The following TMEM132B variants were observed in gnomAD, a reference collection of about 807,000 sequenced individuals.
TMEM132B encodes the protein transmembrane protein 132B.
A neutral mutation model predicts 90.8 loss-of-function variants in TMEM132B; 18 were observed. That is an observed-to-expected ratio of 0.20 (90% CI 0.14 to 0.29). The LOEUF (loss-of-function observed/expected upper bound fraction) is 0.29. Among genes scored for constraint, TMEM132B ranks in the 10% least tolerant of loss-of-function variants. TMEM132B has a pLI of 1.00. For missense variants in TMEM132B, 1,096 were observed against 1,326.8 expected, an observed-to-expected ratio of 0.83 and a Z score of 2.70; for synonymous variants, 504 against 523.3, an observed-to-expected ratio of 0.96 and a Z score of 0.50.
At chr12:125,298,927 G>T (rs1875742136) in intron 1 of TMEM132B, among the ~76,000 whole-genome samples, 1 of 151,710 alleles carries the variant, frequency 6.6e-6, no homozygotes, top group Admixed American at 6.6e-5. Context: ...TAGAGACGGG[G>T]TTTCACCGTG....
chr12:125,365,657 A>AT (rs913453495), intron 2 of TMEM132B, among the ~76,000 whole-genome samples: 32 of 150,666 alleles, frequency 2.1e-4, no homozygotes, highest in South Asian at 1.1e-3. Context: ...ATTCCAGAAG[A>AT]TTTTTTTTTG....
chr12:125,299,893 G>A (rs1000299034), intron 1 of TMEM132B, among the ~76,000 whole-genome samples: 5 of 152,322 alleles, frequency 3.3e-5, no homozygotes, highest in Middle Eastern at 3.4e-3. Flanking sequence ...GGTTCTGTAA[G>A]TTGTCAATCA....
intron 3 of TMEM132B, among the ~76,000 whole-genome samples, chr12:125,425,733 T>C (rs144030705): frequency 1.6e-4 from 24 of 152,362 alleles, no homozygotes; most frequent in Non-Finnish European, 3.2e-4. Flanking sequence ...TTCTTTCACT[T>C]GGCAATATGC....
At chr12:125,363,922 A>T (rs898004242) in intron 2 of TMEM132B, among the ~76,000 whole-genome samples, 1 of 152,234 alleles carries the variant, frequency 6.6e-6, no homozygotes, top group African/African-American at 2.4e-5. Flanking sequence ...ATTTATACGG[A>T]TGAATGCTCT....
At chr12:125,333,935 ATG>A in intron 1 of TMEM132B, among the ~76,000 whole-genome samples, 1 of 152,308 alleles carries the variant, frequency 6.6e-6, no homozygotes, top group South Asian at 2.1e-4. Flanking sequence ...GTTAACTCAC[ATG>A]TCCTCAGGGC....
At chr12:125,364,116 G>A (rs986046517) in intron 2 of TMEM132B, among the ~76,000 whole-genome samples, 1 of 152,054 alleles carries the variant, frequency 6.6e-6, no homozygotes, top group African/African-American at 2.4e-5. Context: ...GCATATATGT[G>A]GACATCATAA....
At chr12:125,499,371 C>T (rs1882637325) in intron 3 of TMEM132B, among the ~76,000 whole-genome samples, 1 of 152,180 alleles carries the variant, frequency 6.6e-6, no homozygotes, top group Non-Finnish European at 1.5e-5. Context: ...AGATGAAATG[C>T]TCCTGATTAT....
At chr12:125,263,119 C>T (rs1279908174) in intron 1 of TMEM132B, among the ~76,000 whole-genome samples, 3 of 152,186 alleles carry the variant, frequency 2.0e-5, no homozygotes, top group African/African-American at 7.2e-5. Flanking sequence ...TCTATTATCC[C>T]GTGGTATTGG....
chr12:125,495,101 A>C (rs1260126748), intron 3 of TMEM132B, among the ~76,000 whole-genome samples: 2 of 31,140 alleles, frequency 6.4e-5, no homozygotes, highest in South Asian at 1.6e-3. Context: ...AAATGGCCGC[A>C]TCTCTCCTCC....
chr12:125,333,469 G>A (rs1876858320), intron 1 of TMEM132B, among the ~76,000 whole-genome samples: 1 of 152,194 alleles, frequency 6.6e-6, no homozygotes, highest in Non-Finnish European at 1.5e-5. Flanking sequence ...AAGAATAAAT[G>A]TCTAAGTCTG....
chr12:125,569,148 C>G (rs1314996366), intron 4 of TMEM132B, among the ~76,000 whole-genome samples: 1 of 152,050 alleles, frequency 6.6e-6, no homozygotes, highest in African/African-American at 2.4e-5. Flanking sequence ...ATGTCCGTTG[C>G]CTGCTTGGCT....
At chr12:125,478,037 G>C (rs1881934157) in intron 3 of TMEM132B, among the ~76,000 whole-genome samples, 1 of 152,096 alleles carries the variant, frequency 6.6e-6, no homozygotes, top group African/African-American at 2.4e-5. Context: ...ATTGTTAGAA[G>C]GAAAACTAAC....
chr12:125,343,010 G>T (rs1166869371), intron 1 of TMEM132B, among the ~76,000 whole-genome samples: 4 of 152,136 alleles, frequency 2.6e-5, no homozygotes, highest in Admixed American at 2.0e-4. Flanking sequence ...TGAATGAATC[G>T]TGTTTCAAAT....
chr12:125,521,301 C>T (rs565799162), intron 4 of TMEM132B, among the ~76,000 whole-genome samples: 4 of 152,066 alleles, frequency 2.6e-5, no homozygotes, highest in Non-Finnish European at 5.9e-5. Flanking sequence ...CCTTCTTCTC[C>T]TCCTTCCTCT....
chr12:125,537,928 A>G (rs1448124804), intron 4 of TMEM132B, among the ~76,000 whole-genome samples: 1 of 151,748 alleles, frequency 6.6e-6, no homozygotes, highest in African/African-American at 2.4e-5. Flanking sequence ...AGGCCACTTG[A>G]CTCCAGAGTC....
intron 5 of TMEM132B, among the ~76,000 whole-genome samples, chr12:125,607,069 C>A (rs1885714093): frequency 6.6e-6 from 1 of 152,128 alleles, no homozygotes; most frequent in Admixed American, 6.5e-5. Context: ...TAGTCTCTTG[C>A]AGGGTGAGCT....
intron 1 of TMEM132B, among the ~76,000 whole-genome samples, chr12:125,241,362 A>G (rs966460999): frequency 1.3e-5 from 2 of 152,176 alleles, no homozygotes; most frequent in East Asian, 3.9e-4. Context: ...GGTCCTGCTG[A>G]CACACATAGG....
At chr12:125,575,078 A>ATATATATATT (rs1311570495) in intron 4 of TMEM132B, among the ~76,000 whole-genome samples, 22 of 108,950 alleles carry the variant, frequency 2.0e-4, no homozygotes, top group African/African-American at 7.4e-4. Flanking sequence ...ATATATATAT[A>ATATATATATT]TATATTCAGG....
At chr12:125,219,171 C>T (rs1290329719) in intron 1 of TMEM132B, among the ~76,000 whole-genome samples, 3 of 152,134 alleles carry the variant, frequency 2.0e-5, no homozygotes, top group African/African-American at 4.8e-5. Flanking sequence ...AAATGTATAG[C>T]CATGATGGCG....
Sources: gnomAD v4.1 joint callset for allele counts (sites outside exome capture counted in the v4.1 genomes callset) on GRCh38, gnomAD v4.1.1 for gene constraint, MANE v1.5 for transcripts, NCBI Gene and HGNC (gene_info 2026-07-23, HGNC 2026-07-21) for gene names.